PDE6B: variants seen among roughly 807,000 people sequenced by gnomAD.
The protein encoded by PDE6B is rod cGMP-specific 3',5'-cyclic phosphodiesterase subunit beta.
In PDE6B, 106 loss-of-function variants were observed where a neutral mutation model predicts 109.0. That is an observed-to-expected ratio of 0.97 (90% CI 0.83 to 1.14). PDE6B has a LOEUF of 1.14. Ranked by LOEUF, PDE6B falls within the 50% of genes most tolerant of loss-of-function variation. The probability of loss-of-function intolerance (pLI) is 0.00; values close to 1 mark genes in which losing one functional copy is unlikely to be tolerated. For missense variants in PDE6B, 1,193 were observed against 1,155.6 expected, an observed-to-expected ratio of 1.03 and a Z score of -0.47; for synonymous variants, 490 against 471.3, an observed-to-expected ratio of 1.04 and a Z score of -0.51.
In PDE6B at chr4:656,922, A is replaced by G. The variant is rs1359000001; in HGVS notation, c.1156A>G (p.Met386Val). Reference sequence around the variant, plus strand: ...GTGGCTCATCAAGAATGTGCTGTCCATGCCCATCGTCAACAAGAAGGAGGA... The same window carrying G: ...GTGGCTCATCAAGAATGTGCTGTCCGTGCCCATCGTCAACAAGAAGGAGGA... ...SGWLIKNVLS[M>V]PIVNKKEEIV... The change falls in exon 9 of 22, where the codon ATG becomes GTG. Residue 386 changes from methionine to valine, a missense_variant. Transcript: ENST00000496514. The G allele has an allele frequency of 1.9e-6, 3 of 1,612,994 alleles. No individual in the cohort carries two copies. Among genetic ancestry groups the G allele is most frequent in the Admixed American group, 1.7e-5 (1 of 60,018 alleles).
intron 3 of PDE6B, among the ~76,000 whole-genome samples, chr4:650,140 G>A (rs1735428609): frequency 6.6e-6 from 1 of 152,182 alleles, no homozygotes; most frequent in South Asian, 2.1e-4. Flanking sequence ...ACGGGCTTGG[G>A]GCAGGAGGGG....
chr4:670,074 A>G lies in PDE6B; in HGVS notation c.2532A>G (p.Pro844=). ...KVGTEICNGG[P]APKSSTCCIL ...GCACAGAAATTTGCAATGGCGGCCCAGCACCCAAGTCTTCAACCTGCTGTA... is the reference window on the plus strand; with the variant it reads ...GCACAGAAATTTGCAATGGCGGCCCGGCACCCAAGTCTTCAACCTGCTGTA... The change falls in exon 22 of 22, where the codon CCA becomes CCG. Residue 844 remains proline, a synonymous_variant. Coordinates refer to ENST00000496514, the MANE Select transcript of PDE6B (RefSeq NM_000283.4). 1 of 1,613,208 alleles carries G rather than the reference A, an allele frequency of 6.2e-7. No homozygotes were observed. The highest frequency in any genetic ancestry group is 1.7e-5 in the Admixed American group (1 of 60,010).
At position 629,043 on chromosome 4, in the gene PDE6B, C is replaced by T. The variant is rs372077439; in HGVS notation, c.468+2949C>T. ...CTCAGGAACCACAGGTCCCAGAAGG[C>T]GGACACCAGGCCCCCCTCCATCCCT... On this transcript the variant is annotated intron_variant, in intron 1 of 21. Transcript: ENST00000496514. Among the ~76,000 whole-genome samples the T allele has an allele frequency of 1.1e-3, 160 of 152,318 alleles. 1 individual carries two copies. The highest frequency in any genetic ancestry group is 3.4e-3 in the African/African-American group (140 of 41,570).
At chr4:641,270 A>G (rs1234244668) in intron 3 of PDE6B, among the ~76,000 whole-genome samples, 1 of 152,232 alleles carries the variant, frequency 6.6e-6, no homozygotes, top group Non-Finnish European at 1.5e-5. Context: ...GTACCTAAGT[A>G]TTTCATTTTC....
chr4:629,840 G>T (rs28399001), intron 1 of PDE6B, among the ~76,000 whole-genome samples: 3,608 of 152,304 alleles, frequency 0.024, 143 homozygotes, highest in African/African-American at 0.083. Flanking sequence ...TGGGTGTGAA[G>T]GCCCCAGAGC....
intron 6 of PDE6B, chr4:655,712 C>G (rs1736141458): frequency 3.2e-6 from 2 of 629,568 alleles, no homozygotes; most frequent in South Asian, 3.6e-5. Flanking sequence ...CCCCTGCACA[C>G]ACGCCCAGTC....
intron 20 of PDE6B, among the ~76,000 whole-genome samples, chr4:667,287 T>A (rs1232801870): frequency 6.6e-6 from 1 of 151,834 alleles, no homozygotes; most frequent in Non-Finnish European, 1.5e-5. Flanking sequence ...CGGAGTGGGC[T>A]GTGCCCACTC....
Position 665,187 on chromosome 4 carries a change from C to A in PDE6B, c.2194-68C>A. 1 of 1,189,864 alleles carries A rather than the reference C, an allele frequency of 8.4e-7. No homozygotes were observed. The highest frequency in any genetic ancestry group is 1.2e-6 in the Non-Finnish European group (1 of 813,074). 73.7% of individuals were successfully genotyped at this position (1,189,864 alleles called of 1,614,324 possible). ...GAGAAGACCGAGGCTCGGAGCCTCA[C>A]GGGGCGGGCCCGGGCCCTTCCGCGT... is the stretch of plus-strand genomic sequence containing the variant. On this transcript the variant is annotated intron_variant, in intron 18 of 21. Coordinates refer to ENST00000496514, the MANE Select transcript of PDE6B (RefSeq NM_000283.4). This position sits in a 1 kb window ranked among gnomAD's most constrained non-coding sequence, Gnocchi z 4.0.
At chr4:651,688 T>G (rs533904955) in intron 3 of PDE6B, 2 of 145,404 alleles carry the variant, frequency 1.4e-5, no homozygotes, top group African/African-American at 5.4e-5. Context: ...TTCAGCAGGC[T>G]CTGGAGCTAT....
intron 3 of PDE6B, 159 bp from the exon 4 acceptor site, chr4:653,693 G>C: frequency 2.4e-6 from 2 of 835,380 alleles, no homozygotes; most frequent in Non-Finnish European, 3.9e-6. Context: ...CCTGGCCACG[G>C]AGCCACCAAT....
In PDE6B at chr4:626,625, C is replaced by G. The variant is rs1374562392; in HGVS notation, c.468+531C>G. ...GAAGCAGCTTTATCCCATGGGAGCCCACGCCAGCCGCCAGGGGAGAACAAA... is the reference window on the plus strand; with the variant it reads ...GAAGCAGCTTTATCCCATGGGAGCCGACGCCAGCCGCCAGGGGAGAACAAA... On this transcript the variant is annotated intron_variant, in intron 1 of 21. Transcript: ENST00000496514. The surrounding 1 kb of genome is among the most constrained non-coding windows in gnomAD (Gnocchi z 4.6). 6.6e-6 allele frequency among the ~76,000 whole-genome samples: 1 copy of G among 152,202 alleles called. No individual in the cohort carries two copies. Among genetic ancestry groups the G allele is most frequent in the Non-Finnish European group, 1.5e-5 (1 of 68,038 alleles).
rs960782292 is a variant in PDE6B, at chr4:664,328, G to C, written c.2129+107G>C. ...CTCCCCAGACGCTCTGGAGCAGGAA[G>C]AGCCCGTCGCGGCAGCTTGTCGAGG... is the stretch of plus-strand genomic sequence containing the variant. On this transcript the variant is annotated intron_variant, in intron 17 of 21. Transcript: ENST00000496514. 4.0e-6 allele frequency: 3 copies of C among 744,544 alleles called. No individual in the cohort carries two copies. In the Admixed American group the frequency reaches 5.8e-5, roughly 14 times the overall value. The allele number at this position is 744,544 out of a possible 1,614,324, so 46.1% of individuals were successfully genotyped here. A position where few individuals can be genotyped will look rare whatever the true frequency, so the allele number is the denominator to read the frequency against.
chr4:626,011 G>T lies in PDE6B; in HGVS notation c.385G>T (p.Glu129Ter). Reference sequence around the variant, plus strand: ...GGACTGCCTGGTGCCCCCCGACTCCGAGATCGTCTTCCCACTGGACATCGG... The same window carrying T: ...GGACTGCCTGGTGCCCCCCGACTCCTAGATCGTCTTCCCACTGGACATCGG... ...LEDCLVPPDS[E>*]IVFPLDIGVV... Residue 129 changes from glutamate (E) to a stop codon, truncating the protein, a stop_gained, in exon 1 of 22, where the codon GAG becomes TAG. Coordinates refer to ENST00000496514, the MANE Select transcript of PDE6B (RefSeq NM_000283.4). LOFTEE classifies it high-confidence loss of function. This position sits in a 1 kb window ranked among gnomAD's most constrained non-coding sequence, Gnocchi z 4.6. The T allele has an allele frequency of 1.3e-6, 2 of 1,590,480 alleles. No individual in the cohort carries two copies. The highest frequency in any genetic ancestry group is 1.7e-6 in the Non-Finnish European group (2 of 1,169,234).
intron 2 of PDE6B, among the ~76,000 whole-genome samples, chr4:635,259 G>A (rs868312544): frequency 6.1e-4 from 73 of 120,272 alleles, no homozygotes; most frequent in African/African-American, 2.1e-3. Context: ...GCCTGCCTGC[G>A]TGTTCTGTGC....
At chr4:661,940 G>A in intron 12 of PDE6B, 194 bp from the exon 13 acceptor site, 2 of 623,584 alleles carry the variant, frequency 3.2e-6, no homozygotes, top group Non-Finnish European at 5.8e-6. Context: ...AGGTGCCAAT[G>A]TGGCAGCCCC....
At chr4:650,990 C>T (rs1230490412) in intron 3 of PDE6B, among the ~76,000 whole-genome samples, 1 of 152,176 alleles carries the variant, frequency 6.6e-6, no homozygotes, top group Non-Finnish European at 1.5e-5. Flanking sequence ...CCACCTTGAA[C>T]TCAGTGCCTC....
chr4:668,505 C>CA (rs71166825), intron 21 of PDE6B, among the ~76,000 whole-genome samples: 12 of 139,648 alleles, frequency 8.6e-5, no homozygotes, highest in African/African-American at 2.5e-4. Flanking sequence ...ATGCTATTCC[C>CA]CTACCCCATG....
At chr4:655,083 G>A (rs1736059104) in intron 6 of PDE6B, 195 bp downstream of exon 6, 1 of 616,046 alleles carries the variant, frequency 1.6e-6, no homozygotes, top group Non-Finnish European at 2.9e-6. Context: ...CCGACTCACT[G>A]TTCTGGGAGA....
rs1436573548 is a variant in PDE6B, at chr4:625,710, C to A, written c.84C>A (p.Ser28Arg). The A allele has an allele frequency of 6.2e-7, 1 of 1,613,830 alleles. No individual in the cohort carries two copies. The highest frequency in any genetic ancestry group is 8.5e-7 in the Non-Finnish European group (1 of 1,179,942). ...FARQYFGKKL[S>R]PENVAAACED... is the part of the protein sequence containing the mutation. ...GCCAGTACTTTGGGAAGAAACTGAG[C>A]CCTGAGAATGTGGCCGCGGCCTGCG... The change falls in exon 1 of 22, where the codon AGC becomes AGA. Residue 28 changes from serine to arginine, a missense_variant. Physicochemically the swap from Ser to Arg is moderately radical, Grantham distance 110 (BLOSUM62 -1). Coordinates refer to ENST00000496514, the MANE Select transcript of PDE6B (RefSeq NM_000283.4). The surrounding 1 kb of genome is among the most constrained non-coding windows in gnomAD (Gnocchi z 5.0).
Sources: gnomAD v4.1 joint callset for allele counts (sites outside exome capture counted in the v4.1 genomes callset) on GRCh38, gnomAD v4.1.1 for gene constraint, Gnocchi (gnomAD v3.1) non-coding constraint, MANE v1.5 for transcripts, NCBI Gene and HGNC (gene_info 2026-07-23, HGNC 2026-07-21) for gene names.